Variants in SPOCK1 observed in about 807,000 individuals in gnomAD.
SPOCK1 encodes SPARC (osteonectin), cwcv and kazal like domains proteoglycan 1.
In SPOCK1, 23 loss-of-function variants were observed where a neutral mutation model predicts 55.3. That is an observed-to-expected ratio of 0.42 (90% confidence interval 0.30 to 0.59). SPOCK1 has a LOEUF of 0.59. Ranked by LOEUF, SPOCK1 falls within the 20% of genes least tolerant of loss-of-function variation. SPOCK1 has a pLI of 0.22. For missense variants in SPOCK1, 499 were observed against 552.5 expected (o/e 0.90, Z 0.97); for synonymous variants, 226 against 221.0 (o/e 1.02, Z -0.20).
chr5:137,214,166 C>T (rs924191984), intron 3 of SPOCK1, among the ~76,000 whole-genome samples: 5 of 152,096 alleles, frequency 3.3e-5, no homozygotes, highest in Non-Finnish European at 5.9e-5. Context: ...ATGAACCAGA[C>T]ATTGTATTAT....
chr5:137,077,782 C>G (rs1006479299), intron 5 of SPOCK1, among the ~76,000 whole-genome samples: 1 of 152,172 alleles, frequency 6.6e-6, no homozygotes, highest in Non-Finnish European at 1.5e-5. Flanking sequence ...ATCTGGTCTC[C>G]GAACTTGACT....
chr5:137,368,142 C>T (rs1457011825), intron 2 of SPOCK1, among the ~76,000 whole-genome samples: 1 of 152,240 alleles, frequency 6.6e-6, no homozygotes, highest in Non-Finnish European at 1.5e-5. Context: ...CTGTACCTAA[C>T]AGTCACAAAG....
At chr5:137,472,619 A>G (rs1420193870) in intron 2 of SPOCK1, among the ~76,000 whole-genome samples, 2 of 152,202 alleles carry the variant, frequency 1.3e-5, no homozygotes, top group African/African-American at 4.8e-5. Context: ...AATTTAACCT[A>G]CAAATACAGC....
intron 2 of SPOCK1, among the ~76,000 whole-genome samples, chr5:137,369,466 C>G (rs892902781): frequency 3.9e-5 from 6 of 152,178 alleles, no homozygotes; most frequent in African/African-American, 1.2e-4. Flanking sequence ...AAAACCCCAA[C>G]AGGCAATATC....
chr5:137,342,489 G>T (rs1750453505), intron 2 of SPOCK1, among the ~76,000 whole-genome samples: 1 of 152,196 alleles, frequency 6.6e-6, no homozygotes, highest in Admixed American at 6.5e-5. Flanking sequence ...GGTAAGACTT[G>T]TTGTCTCAAG....
intron 2 of SPOCK1, among the ~76,000 whole-genome samples, chr5:137,269,897 G>A (rs1651293478): frequency 6.6e-6 from 1 of 152,008 alleles, no homozygotes. Flanking sequence ...TAAGACTCAG[G>A]TGGCAGAGCC....
intron 3 of SPOCK1, among the ~76,000 whole-genome samples, chr5:137,243,273 T>C (rs1052883556): frequency 6.6e-6 from 1 of 152,134 alleles, no homozygotes; most frequent in Non-Finnish European, 1.5e-5. Flanking sequence ...ATGCCCATAA[T>C]CGGCGGCTAT....
chr5:137,044,412 T>C (rs944322230), intron 6 of SPOCK1, among the ~76,000 whole-genome samples: 11 of 152,064 alleles, frequency 7.2e-5, no homozygotes, highest in Non-Finnish European at 1.6e-4. Flanking sequence ...ATATAGAAAA[T>C]AGAATGAAGT....
chr5:137,034,916 T>A (rs1751851923), intron 6 of SPOCK1, among the ~76,000 whole-genome samples: 1 of 152,096 alleles, frequency 6.6e-6, no homozygotes, highest in African/African-American at 2.4e-5. Context: ...AAAGGGCACA[T>A]GCGGGCGGCC....
chr5:137,079,541 C>CCCCCT (rs1752837804), intron 5 of SPOCK1, among the ~76,000 whole-genome samples: 1 of 149,482 alleles, frequency 6.7e-6, no homozygotes, highest in South Asian at 2.1e-4. Context: ...ATTCCCCCCC[C>CCCCCT]CCCCGACTTA....
At chr5:137,326,020 T>C (rs1418496096) in intron 2 of SPOCK1, among the ~76,000 whole-genome samples, 25 of 152,246 alleles carry the variant, frequency 1.6e-4, no homozygotes, top group Non-Finnish European at 2.9e-5. Context: ...TGGGAGTACC[T>C]ATTTCCCTAC....
chr5:137,208,589 A>G (rs1043492246), intron 3 of SPOCK1, among the ~76,000 whole-genome samples: 1 of 152,216 alleles, frequency 6.6e-6, no homozygotes, highest in African/African-American at 2.4e-5. Flanking sequence ...CACTATCCTA[A>G]GCAAATTAAT....
chr5:137,402,738 G>A (rs564617478), intron 2 of SPOCK1, among the ~76,000 whole-genome samples: 1 of 152,226 alleles, frequency 6.6e-6, no homozygotes, highest in South Asian at 2.1e-4. Flanking sequence ...AACCCAAAAT[G>A]GAGTTTCTAA....
At chr5:137,103,320 G>T (rs1753306798) in intron 5 of SPOCK1, among the ~76,000 whole-genome samples, 1 of 152,144 alleles carries the variant, frequency 6.6e-6, no homozygotes, top group African/African-American at 2.4e-5. Flanking sequence ...TTCCTATTTT[G>T]GCTGGATACA....
intron 3 of SPOCK1, among the ~76,000 whole-genome samples, chr5:137,210,598 C>A (rs181478586): frequency 6.6e-6 from 1 of 152,106 alleles, no homozygotes; most frequent in East Asian, 1.9e-4. Context: ...GTCAGATACA[C>A]GGTCTGGGAC....
At chr5:137,148,721 C>G (rs957418411) in intron 3 of SPOCK1, among the ~76,000 whole-genome samples, 1 of 151,796 alleles carries the variant, frequency 6.6e-6, no homozygotes, top group African/African-American at 2.4e-5. Context: ...GAAACTGATA[C>G]AGAGATCAGA....
chr5:137,073,940 G>A (rs1752672644), intron 5 of SPOCK1, among the ~76,000 whole-genome samples: 1 of 152,160 alleles, frequency 6.6e-6, no homozygotes, highest in African/African-American at 2.4e-5. Context: ...AAGGGACCAA[G>A]GGTCCAAGCT....
At chr5:137,126,643 T>G (rs1486037616) in intron 4 of SPOCK1, among the ~76,000 whole-genome samples, 1 of 152,032 alleles carries the variant, frequency 6.6e-6, no homozygotes, top group Non-Finnish European at 1.5e-5. Context: ...ATGCCTGTAA[T>G]CCAAGCTACT....
chr5:137,193,512 C>A (rs1265321185), intron 3 of SPOCK1, among the ~76,000 whole-genome samples: 1 of 152,180 alleles, frequency 6.6e-6, no homozygotes, highest in Non-Finnish European at 1.5e-5. Flanking sequence ...CCCCCAGCAC[C>A]ATTCTCTAGC....
Sources: allele counts gnomAD v4.1 joint callset (sites outside exome capture counted in the v4.1 genomes callset), GRCh38; gene constraint gnomAD v4.1.1; transcripts MANE v1.5; gene names NCBI Gene and HGNC (gene_info 2026-07-23, HGNC 2026-07-21).